Variants in LSM10 observed in about 807,000 individuals in gnomAD.
LSM10 encodes U7 snRNA-associated Sm-like protein LSm10.
Under a neutral mutation model 5.2 loss-of-function variants are expected in LSM10, and 4 were observed. That is an observed-to-expected ratio of 0.77 (90% confidence interval 0.38 to 1.77). The LOEUF is 1.77. Among genes scored for constraint, LSM10 ranks in the 40% most tolerant of loss-of-function variants. The pLI, the probability that LSM10 is intolerant of heterozygous loss-of-function variation, is 0.04. For synonymous variants in LSM10, 63 were observed against 67.4 expected, an observed-to-expected ratio of 0.94 and a Z score of 0.32; for missense variants, 150 against 171.6, an observed-to-expected ratio of 0.87 and a Z score of 0.70.
chr1:36,396,274 G>A (rs1431422503), intron 1 of LSM10, among the ~76,000 whole-genome samples: 6 of 147,856 alleles, frequency 4.1e-5, no homozygotes, highest in Non-Finnish European at 8.9e-5. Flanking sequence ...TAACTCCAAA[G>A]TGCTGAGGGG....
intron 1 of LSM10, among the ~76,000 whole-genome samples, chr1:36,396,456 T>C (rs1194729424): frequency 1.3e-5 from 2 of 152,230 alleles, no homozygotes; most frequent in Admixed American, 6.5e-5. Context: ...GAATCATTGG[T>C]TGACACCAGT....
At chr1:36,395,775 C>CA (rs57532655) in intron 1 of LSM10, among the ~76,000 whole-genome samples, 80,703 of 128,546 alleles carry the variant, frequency 0.63, 24,603 homozygotes, top group South Asian at 0.7. Flanking sequence ...GACTCTGTCT[C>CA]AAAAAAAAAA....
At chr1:36,395,011 G>A (rs1438004939) in intron 1 of LSM10, among the ~76,000 whole-genome samples, 1 of 152,180 alleles carries the variant, frequency 6.6e-6, no homozygotes, top group Non-Finnish European at 1.5e-5. Context: ...GGAGGGTGAG[G>A]CAGGAGAATT....
Position 36,393,579 on chromosome 1 carries a change from G to C in LSM10, c.*179C>G, listed in dbSNP as rs1647136784. 2 of 784,254 alleles carry C rather than the reference G, an allele frequency of 2.6e-6. No homozygotes were observed. Among genetic ancestry groups the C allele is most frequent in the South Asian group, 1.7e-5 (1 of 58,578 alleles). 48.6% of individuals were successfully genotyped at this position (784,254 alleles called of 1,614,324 possible). A position where few individuals can be genotyped will look rare whatever the true frequency, so the allele number is the denominator to read the frequency against. On this transcript the variant is annotated 3_prime_UTR_variant, in exon 2 of 2. Coordinates refer to ENST00000315732, the MANE Select transcript of LSM10 (RefSeq NM_032881.3). ...GCCACATATAGGATTCTGGGTCCCA[G>C]AGTGAGTCTGGGAGGTGGAACCCTG... is the stretch of plus-strand genomic sequence containing the variant.
chr1:36,396,973 A>G (rs1008636457), intron 1 of LSM10, among the ~76,000 whole-genome samples: 1 of 152,048 alleles, frequency 6.6e-6, no homozygotes, highest in Admixed American at 6.6e-5. Context: ...CAGAAAAAAA[A>G]AAAGAAAATA....
rs1373136088 is a variant in LSM10, at chr1:36,393,996, T to C, written c.134A>G (p.Asn45Ser). The change falls in exon 2 of 2, where the codon AAT becomes AGT. Residue 45 changes from asparagine (N) to serine (S), a missense_variant. By Grantham distance (46) the Asn-to-Ser change is conservative. Coordinates refer to ENST00000315732, the MANE Select transcript of LSM10 (RefSeq NM_032881.3). Reference sequence around the variant, plus strand: ...GCGGATGTTCATGAAAGCATCGACATTGTCTATGCGTCCGTGGGCCACGCT... The same window carrying C: ...GCGGATGTTCATGAAAGCATCGACACTGTCTATGCGTCCGTGGGCCACGCT... Reference protein sequence around the residue: ...DESVAHGRIDNVDAFMNIRLA... With the variant: ...DESVAHGRIDSVDAFMNIRLA... 4.3e-6 allele frequency: 7 copies of C among 1,614,086 alleles called. No individual in the cohort carries two copies. Among genetic ancestry groups the C allele is most frequent in the South Asian group, 1.1e-5 (1 of 91,092 alleles).
intron 1 of LSM10, among the ~76,000 whole-genome samples, chr1:36,396,201 G>A (rs1038414163): frequency 7.7e-6 from 1 of 130,276 alleles, no homozygotes; most frequent in African/African-American, 3.0e-5. Context: ...ACTCCAGCCT[G>A]GGCAGCAGAG....
Position 36,393,930 on chromosome 1 carries a change from A to G in LSM10, c.200T>C (p.Val67Ala). The G allele has an allele frequency of 6.2e-7, 1 of 1,614,198 alleles. No homozygotes were observed. The highest frequency in any genetic ancestry group is 1.3e-5 in the African/African-American group (1 of 75,046). ...VTYTDRWGHQ[V>A]KLDDLFVTGR... is the part of the protein sequence containing the mutation. ...TGTCACAAAGAGGTCATCCAGCTTG[A>G]CCTGATGCCCCCAACGGTCCGTGTA... is the stretch of plus-strand genomic sequence containing the variant. Residue 67 changes from valine to alanine, a missense_variant, in exon 2 of 2, where the codon GTC (valine) becomes GCC (alanine). Transcript: ENST00000315732.
chr1:36,394,390 C>T lies in LSM10; in HGVS notation c.-24-237G>A, dbSNP rs529295874. Among the ~76,000 whole-genome samples, 102 of 152,276 alleles carry T rather than the reference C, an allele frequency of 6.7e-4. 3 individuals are homozygous for T. The South Asian group carries it at 0.016, about 24-fold the overall frequency. On this transcript the variant is annotated intron_variant, in intron 1 of 1. Coordinates refer to ENST00000315732, the MANE Select transcript of LSM10 (RefSeq NM_032881.3). ...AAAATATGGCTAGGATGGCCAGGCG[C>T]GGTGGGATACACCTGTGGTACTAGC... is the stretch of plus-strand genomic sequence containing the variant.
intron 1 of LSM10, among the ~76,000 whole-genome samples, chr1:36,396,780 T>C (rs1179233649): frequency 5.9e-5 from 9 of 152,206 alleles, no homozygotes; most frequent in Non-Finnish European, 1.5e-5. Context: ...AAGACCCGCC[T>C]GGCCAACATG....
Position 36,393,588 on chromosome 1 carries a change from T to G in LSM10, c.*170A>C. On this transcript the variant is annotated 3_prime_UTR_variant, in exon 2 of 2. Coordinates refer to ENST00000315732, the MANE Select transcript of LSM10 (RefSeq NM_032881.3). ...AGGATTCTGGGTCCCAGAGTGAGTC[T>G]GGGAGGTGGAACCCTGTGAAAGGCA... The G allele has an allele frequency of 1.2e-6, 1 of 853,222 alleles. No individual in the cohort carries two copies. Among genetic ancestry groups the G allele is most frequent in the Non-Finnish European group, 1.8e-6 (1 of 546,112 alleles). The allele number at this position is 853,222 out of a possible 1,614,324, so 52.9% of individuals were successfully genotyped here.
Position 36,397,191 on chromosome 1 carries a change from C to T in LSM10, c.-25+576G>A, listed in dbSNP as rs1647162928. The stretch of plus-strand genomic sequence containing the variant: ...AGAATCACACTCCACTAAAGGTACT[C>T]TCCTTTGATTTCAACATGCCCTGAT... On this transcript the variant is annotated intron_variant, in intron 1 of 1. Coordinates refer to ENST00000315732, the MANE Select transcript of LSM10 (RefSeq NM_032881.3). Among the ~76,000 whole-genome samples, 2 of 152,224 alleles carry T rather than the reference C, an allele frequency of 1.3e-5. 1 individual carries two copies.
In LSM10 at chr1:36,393,576, CCAGAGTGAGT is replaced by C; in HGVS notation, c.*172_*181del. The C allele has an allele frequency of 2.6e-6, 2 of 764,514 alleles. No homozygotes were observed. The highest frequency in any genetic ancestry group is 3.5e-5 in the South Asian group (2 of 57,736). 47.4% of individuals were successfully genotyped at this position (764,514 alleles called of 1,614,324 possible). ...AAGGCCACATATAGGATTCTGGGTC[CCAGAGTGAGT>C]CTGGGAGGTGGAACCCTGTGAAAGG... On this transcript the variant is annotated 3_prime_UTR_variant, in exon 2 of 2. Transcript: ENST00000315732.
chr1:36,394,188 A>C, intron 1 of LSM10, 35 bp from the exon 2 acceptor site: 1 of 1,559,794 alleles, frequency 6.4e-7, no homozygotes, highest in Non-Finnish European at 8.7e-7. Flanking sequence ...CAGCTATAGC[A>C]GGGTAGGGGG....
At chr1:36,397,350 C>G (rs1319310305) in intron 1 of LSM10, among the ~76,000 whole-genome samples, 1 of 152,182 alleles carries the variant, frequency 6.6e-6, no homozygotes, top group African/African-American at 2.4e-5. Flanking sequence ...GCGTGGCAAG[C>G]CAGACTAGGC....
At chr1:36,394,782 G>A (rs1293855680) in intron 1 of LSM10, among the ~76,000 whole-genome samples, 4 of 128,292 alleles carry the variant, frequency 3.1e-5, no homozygotes, top group South Asian at 2.6e-4. Flanking sequence ...GAGTGACTCC[G>A]TCTCAAAAAA....
In LSM10 at chr1:36,393,651, G is replaced by T; in HGVS notation, c.*107C>A. 1 of 1,479,144 alleles carries T rather than the reference G, an allele frequency of 6.8e-7. No individual in the cohort carries two copies. The highest frequency in any genetic ancestry group is 9.2e-7 in the Non-Finnish European group (1 of 1,086,208). The allele number at this position is 1,479,144 out of a possible 1,614,324, so 91.6% of individuals were successfully genotyped here. ...GGTGTCTGTTGGACACCAGCTTCTG[G>T]CCTGGCCCTGCTTTCTTCTCGGGTA... On this transcript the variant is annotated 3_prime_UTR_variant, in exon 2 of 2. Transcript: ENST00000315732.
chr1:36,397,020 C>A (rs1188584861), intron 1 of LSM10, among the ~76,000 whole-genome samples: 2 of 151,808 alleles, frequency 1.3e-5, no homozygotes, highest in Non-Finnish European at 2.9e-5. Context: ...AACCCCCAAC[C>A]GGTATTATAT....
chr1:36,395,846 C>G (rs1346930988), intron 1 of LSM10, among the ~76,000 whole-genome samples: 1 of 151,736 alleles, frequency 6.6e-6, no homozygotes, highest in Non-Finnish European at 1.5e-5. Flanking sequence ...TTAGAATCAT[C>G]TGGTGAGTTT....
Sources: allele counts gnomAD v4.1 joint callset (sites outside exome capture counted in the v4.1 genomes callset), GRCh38; gene constraint gnomAD v4.1.1; transcripts MANE v1.5; gene names NCBI Gene and HGNC (gene_info 2026-07-23, HGNC 2026-07-21).